SLC26A7: variants seen among roughly 807,000 people sequenced by gnomAD.
SLC26A7 encodes the protein anion exchange transporter.
Under a neutral mutation model 82.5 loss-of-function variants are expected in SLC26A7, and 59 were observed. The observed-to-expected ratio is 0.72, with a 90% CI of 0.58 to 0.89. The LOEUF (loss-of-function observed/expected upper bound fraction) is 0.89, where lower values mean the gene tolerates loss of function less well. Among genes scored for constraint, SLC26A7 ranks in the 40% least tolerant of loss-of-function variants. The probability of loss-of-function intolerance (pLI) is 0.00; values close to 1 mark genes in which losing one functional copy is unlikely to be tolerated. For synonymous variants in SLC26A7, 271 were observed against 274.3 expected (o/e 0.99, Z 0.12); for missense variants, 820 against 793.0 (o/e 1.03, Z -0.41).
At chr8:91,254,987 G>C (rs1362907414) in intron 2 of SLC26A7, among the ~76,000 whole-genome samples, 1 of 152,074 alleles carries the variant, frequency 6.6e-6, no homozygotes, top group Non-Finnish European at 1.5e-5. Context: ...TAAGACTCTG[G>C]TTTCTAAAGC....
At chr8:91,317,251 A>T (rs923801427) in intron 4 of SLC26A7, among the ~76,000 whole-genome samples, 2 of 152,112 alleles carry the variant, frequency 1.3e-5, no homozygotes, top group African/African-American at 2.4e-5. Flanking sequence ...CACAGCTTCT[A>T]CATAGAGATG....
rs1385846440 is a variant in SLC26A7 at position 91,332,515 on chromosome 8, C to A, written c.643-1780C>A. Among the ~76,000 whole-genome samples, 7 of 146,652 alleles carry A rather than the reference C, an allele frequency of 4.8e-5. No homozygotes were observed. The East Asian group carries it at 1.4e-3, about 29-fold the overall frequency. ...ATACACACACACACACACACACACA[C>A]ACACACACACACACACACATATTTA... On this transcript the variant is annotated intron_variant, in intron 5 of 18. Transcript: ENST00000276609.
chr8:91,267,351 A>C (rs1174809545), intron 2 of SLC26A7, among the ~76,000 whole-genome samples: 1 of 151,908 alleles, frequency 6.6e-6, no homozygotes, highest in African/African-American at 2.4e-5. Flanking sequence ...TTTTCTTTAA[A>C]TGTTCGATAG....
intron 11 of SLC26A7, among the ~76,000 whole-genome samples, chr8:91,357,694 C>T (rs1437657160): frequency 1.3e-5 from 2 of 151,872 alleles, no homozygotes; most frequent in African/African-American, 4.8e-5. Context: ...AGGACATAGG[C>T]ATGGGCAAGG....
intron 4 of SLC26A7, among the ~76,000 whole-genome samples, chr8:91,313,117 C>T (rs1812535615): frequency 6.6e-6 from 1 of 152,090 alleles, no homozygotes; most frequent in Non-Finnish European, 1.5e-5. Flanking sequence ...TTTATAGTTT[C>T]AGGTCTCATA....
chr8:91,239,010 A>G (rs1810430091), intron 2 of SLC26A7, among the ~76,000 whole-genome samples: 1 of 152,192 alleles, frequency 6.6e-6, no homozygotes, highest in Non-Finnish European at 1.5e-5. Context: ...TTTTGGCCCT[A>G]GTTTTAAGTG....
intron 5 of SLC26A7, among the ~76,000 whole-genome samples, chr8:91,333,442 G>A (rs1473909174): frequency 6.6e-6 from 1 of 152,138 alleles, no homozygotes; most frequent in Non-Finnish European, 1.5e-5. Flanking sequence ...AGGAAGTCAT[G>A]CACCCCTCCC....
At chr8:91,225,475 C>G (rs1007291776) in intron 2 of SLC26A7, among the ~76,000 whole-genome samples, 1 of 151,730 alleles carries the variant, frequency 6.6e-6, no homozygotes, top group Non-Finnish European at 1.5e-5. Context: ...TTCCTTCTCT[C>G]GTGGGTCTTG....
chr8:91,325,587 A>T (rs541684373), intron 5 of SLC26A7, among the ~76,000 whole-genome samples: 1 of 152,292 alleles, frequency 6.6e-6, no homozygotes, highest in Admixed American at 6.5e-5. Context: ...TGTTGAAGGC[A>T]TAAGACTGGA....
intron 4 of SLC26A7, among the ~76,000 whole-genome samples, chr8:91,306,938 A>C: frequency 6.6e-6 from 1 of 150,836 alleles, no homozygotes; most frequent in Non-Finnish European, 1.5e-5. Flanking sequence ...CAATGAACTC[A>C]AACAAATTTA....
At chr8:91,353,898 A>G (rs1262549426) in intron 11 of SLC26A7, among the ~76,000 whole-genome samples, 2 of 152,092 alleles carry the variant, frequency 1.3e-5, no homozygotes, top group Non-Finnish European at 2.9e-5. Context: ...GGCAGTGGAC[A>G]TAGAAACACT....
chr8:91,342,656 C>T (rs1317462751), intron 8 of SLC26A7, among the ~76,000 whole-genome samples: 4 of 152,152 alleles, frequency 2.6e-5, no homozygotes, highest in Admixed American at 2.6e-4. Flanking sequence ...AAGCTGTAGC[C>T]CAATTTAGGA....
At chr8:91,274,776 A>G (rs1017431530) in intron 2 of SLC26A7, among the ~76,000 whole-genome samples, 6 of 152,236 alleles carry the variant, frequency 3.9e-5, no homozygotes, top group Admixed American at 1.3e-4. Flanking sequence ...TTAATTCTAG[A>G]CACTTCTAGA....
chr8:91,249,894 T>C, intron 2 of SLC26A7, 50 bp downstream of exon 2: 1 of 1,373,942 alleles, frequency 7.3e-7, no homozygotes, highest in Non-Finnish European at 9.7e-7. Flanking sequence ...AGATGTCACT[T>C]TGCTTCCTTG....
intron 2 of SLC26A7, among the ~76,000 whole-genome samples, chr8:91,239,274 G>T (rs1810433886): frequency 2.0e-5 from 3 of 151,084 alleles, no homozygotes; most frequent in Admixed American, 2.0e-4. Flanking sequence ...TGAGGCTGAG[G>T]CAGGAGAATG....
At chr8:91,218,882 C>T (rs1288162307) in intron 1 of SLC26A7, 2 of 1,510,816 alleles carry the variant, frequency 1.3e-6, no homozygotes, top group Non-Finnish European at 1.8e-6. Flanking sequence ...TTAATCTTTA[C>T]TTTTTAGGAC....
At chr8:91,262,138 C>A (rs186461502) in intron 2 of SLC26A7, among the ~76,000 whole-genome samples, 4 of 151,958 alleles carry the variant, frequency 2.6e-5, no homozygotes, top group Non-Finnish European at 5.9e-5. Flanking sequence ...TGTGGCACTG[C>A]GCCTGGAGAT....
chr8:91,233,922 C>T (rs1810349700), intron 2 of SLC26A7, among the ~76,000 whole-genome samples: 1 of 152,232 alleles, frequency 6.6e-6, no homozygotes, highest in Non-Finnish European at 1.5e-5. Flanking sequence ...TTACTGCCTT[C>T]ACTCTGTCCT....
chr8:91,245,565 A>G (rs1312863375), upstream of SLC26A7, among the ~76,000 whole-genome samples: 2 of 152,098 alleles, frequency 1.3e-5, no homozygotes, highest in Non-Finnish European at 2.9e-5. Context: ...CTGTAGATCA[A>G]CTTCCTGAGG....
Sources: gnomAD v4.1 joint callset for allele counts (sites outside exome capture counted in the v4.1 genomes callset) on GRCh38, gnomAD v4.1.1 for gene constraint, MANE v1.5 for transcripts, NCBI Gene and HGNC (gene_info 2026-07-23, HGNC 2026-07-21) for gene names.